Variants in MMP26 observed in about 807,000 individuals in gnomAD.
The protein encoded by MMP26 is matrix metalloproteinase-26.
Under a neutral mutation model 31.0 loss-of-function variants are expected in MMP26, and 33 were observed. The observed-to-expected ratio is 1.06, with a 90% CI of 0.81 to 1.42. The LOEUF (loss-of-function observed/expected upper bound fraction) is 1.42. Ranked by LOEUF, MMP26 falls within the 40% of genes most tolerant of loss-of-function variation. The probability of loss-of-function intolerance (pLI) is 0.00; values close to 1 mark genes in which losing one functional copy is unlikely to be tolerated. For missense variants in MMP26, 347 were observed against 316.1 expected (o/e 1.10, Z -0.74); for synonymous variants, 122 against 114.9 (o/e 1.06, Z -0.40).
intron 2 of MMP26, among the ~76,000 whole-genome samples, chr11:4,911,156 T>C (rs1417940382): frequency 6.6e-6 from 1 of 152,178 alleles, no homozygotes; most frequent in Admixed American, 6.5e-5. Flanking sequence ...AGTTTACCAC[T>C]TGAATATTCT....
chr11:4,772,210 C>A (rs35838746), intron 2 of MMP26, among the ~76,000 whole-genome samples: 14,431 of 152,072 alleles, frequency 0.095, 848 homozygotes, highest in Middle Eastern at 0.15. Context: ...TCCAAGTAAC[C>A]TGTGGTCCAC....
In MMP26 at chr11:4,904,602, A is replaced by G. The variant is rs996373712; in HGVS notation, c.-144-83466A>G. On this transcript the variant is annotated intron_variant, in intron 2 of 7. Coordinates refer to ENST00000380390, the MANE Select transcript of MMP26 (RefSeq NM_021801.5). ...CATTTACTCTTTGGTTTCAGATACC[A>G]CCTATCATGTCAGTACTTCTGAATA... Among the ~76,000 whole-genome samples, 5 of 152,206 alleles carry G rather than the reference A, an allele frequency of 3.3e-5. No individual in the cohort carries two copies. In the South Asian group the frequency reaches 8.3e-4, roughly 25 times the overall value.
chr11:4,775,331 G>A (rs1589897136), intron 2 of MMP26, among the ~76,000 whole-genome samples: 2 of 152,220 alleles, frequency 1.3e-5, no homozygotes, highest in Admixed American at 1.3e-4. Flanking sequence ...TCTCCTTGAA[G>A]AGGTCTTTCA....
At chr11:4,877,535 A>G (rs1366980135) in intron 2 of MMP26, 1 of 152,190 alleles carries the variant, frequency 6.6e-6, no homozygotes, top group Non-Finnish European at 1.5e-5. Flanking sequence ...AGTAAATGCA[A>G]TCAAGTTAGA....
At chr11:4,884,875 C>G (rs1334571364) in intron 2 of MMP26, among the ~76,000 whole-genome samples, 1 of 152,032 alleles carries the variant, frequency 6.6e-6, no homozygotes, top group Non-Finnish European at 1.5e-5. Context: ...CATTTCCCTT[C>G]AGAAATATTG....
chr11:4,722,780 G>A, intron 1 of MMP26: 3 of 1,003,774 alleles, frequency 3.0e-6, no homozygotes, highest in Non-Finnish European at 4.7e-6. Flanking sequence ...GCTTCCCTTC[G>A]TGGGTCTCGA....
chr11:4,792,540 T>C (rs1262023250), intron 2 of MMP26, among the ~76,000 whole-genome samples: 1 of 152,162 alleles, frequency 6.6e-6, no homozygotes, highest in East Asian at 1.9e-4. Context: ...GAGGAAAGAA[T>C]GAGAGAAGCA....
chr11:4,967,475 A>G (rs1265108340), intron 2 of MMP26, among the ~76,000 whole-genome samples: 1 of 152,204 alleles, frequency 6.6e-6, no homozygotes, highest in Non-Finnish European at 1.5e-5. Flanking sequence ...ACCAAAGTTC[A>G]TTTGCAATAC....
intron 2 of MMP26, among the ~76,000 whole-genome samples, chr11:4,974,846 A>G (rs1012164967): frequency 2.6e-5 from 4 of 152,066 alleles, no homozygotes; most frequent in Non-Finnish European, 5.9e-5. Context: ...CAGCAAACTG[A>G]CACAGGAACA....
chr11:4,726,313 A>G (rs946300545), intron 1 of MMP26, among the ~76,000 whole-genome samples: 17 of 151,972 alleles, frequency 1.1e-4, no homozygotes, highest in African/African-American at 4.1e-4. Flanking sequence ...AAAATACAAA[A>G]TTAGCCAGGT....
intron 2 of MMP26, among the ~76,000 whole-genome samples, chr11:4,909,772 A>C (rs1384208422): frequency 1.3e-5 from 2 of 152,082 alleles, no homozygotes; most frequent in African/African-American, 4.8e-5. Flanking sequence ...CCACAGCTAA[A>C]ATGCTTCAGT....
intron 2 of MMP26, among the ~76,000 whole-genome samples, chr11:4,961,896 T>A (rs61880627): frequency 9.2e-5 from 14 of 152,326 alleles, no homozygotes; most frequent in Non-Finnish European, 1.8e-4. Context: ...GTTTCAAGGA[T>A]ACCTGTCTAT....
chr11:4,822,901 A>C (rs1849529983), intron 2 of MMP26, among the ~76,000 whole-genome samples: 1 of 152,148 alleles, frequency 6.6e-6, no homozygotes, highest in Non-Finnish European at 1.5e-5. Flanking sequence ...CCTAATGTAA[A>C]TACAAGATAC....
intron 1 of MMP26, among the ~76,000 whole-genome samples, chr11:4,737,797 G>A (rs1314621156): frequency 6.6e-6 from 1 of 152,100 alleles, no homozygotes; most frequent in Non-Finnish European, 1.5e-5. Context: ...AGTTAATTGG[G>A]GAATTCAAAG....
At chr11:4,909,241 C>T (rs750981231) in intron 2 of MMP26, 1 of 151,946 alleles carries the variant, frequency 6.6e-6, no homozygotes, top group Non-Finnish European at 1.5e-5. Flanking sequence ...ATATTTTAAA[C>T]TTTTTTTCTC....
intron 2 of MMP26, among the ~76,000 whole-genome samples, chr11:4,925,964 C>G (rs899614528): frequency 6.6e-6 from 1 of 152,008 alleles, no homozygotes; most frequent in Non-Finnish European, 1.5e-5. Flanking sequence ...TGCCATTTCC[C>G]TCTGAGAGAA....
At chr11:4,872,507 C>A (rs1468201061) in intron 2 of MMP26, among the ~76,000 whole-genome samples, 2 of 151,552 alleles carry the variant, frequency 1.3e-5, no homozygotes, top group Non-Finnish European at 2.9e-5. Flanking sequence ...CCCCCACTCA[C>A]CCCTGAGCCC....
At chr11:4,787,312 C>T (rs1848961262) in intron 2 of MMP26, 1 of 152,276 alleles carries the variant, frequency 6.6e-6, no homozygotes, top group Admixed American at 6.5e-5. Context: ...CCCTGATGCG[C>T]TTAAAGTTGC....
Position 4,989,902 on chromosome 11 carries a change from G to A in MMP26, c.320+34G>A, listed in dbSNP as rs1240272776. Reference sequence around the variant, plus strand: ...TACTAAGGCCTAGAGGATAATGTGTGGGGTGATGACCTCAAAGGGCTTTCT... The same window carrying A: ...TACTAAGGCCTAGAGGATAATGTGTAGGGTGATGACCTCAAAGGGCTTTCT... On this transcript the variant is annotated intron_variant, in intron 4 of 7. Transcript: ENST00000380390. The A allele has an allele frequency of 2.6e-6, 4 of 1,557,366 alleles. No individual in the cohort carries two copies. The Admixed American group carries it at 6.7e-5, about 26-fold the overall frequency.
Sources: allele counts gnomAD v4.1 joint callset (sites outside exome capture counted in the v4.1 genomes callset), GRCh38; gene constraint gnomAD v4.1.1; transcripts MANE v1.5; gene names NCBI Gene and HGNC (gene_info 2026-07-23, HGNC 2026-07-21).